HNRNPM: variants seen among roughly 807,000 people sequenced by gnomAD.
The protein encoded by HNRNPM is heterogeneous nuclear ribonucleoprotein M, also known as CEA receptor.
In HNRNPM, 11 loss-of-function variants were observed where a neutral mutation model predicts 73.1. That is an observed-to-expected ratio of 0.15 (90% CI 0.09 to 0.25). The LOEUF (loss-of-function observed/expected upper bound fraction) is 0.25, where lower values mean the gene tolerates loss of function less well. Ranked by LOEUF, HNRNPM falls within the 10% of genes least tolerant of loss-of-function variation. HNRNPM has a pLI of 1.00. For missense variants in HNRNPM, 789 were observed against 1,067.9 expected (o/e 0.74, Z 3.64); for synonymous variants, 407 against 355.2 (o/e 1.15, Z -1.64).
At chr19:8,472,410 C>T (rs1331068836) in intron 10 of HNRNPM, among the ~76,000 whole-genome samples, 3 of 152,080 alleles carry the variant, frequency 2.0e-5, no homozygotes, top group Non-Finnish European at 2.9e-5. Flanking sequence ...CCAGAGTCAC[C>T]CTGGGGCTGA....
Position 8,468,756 on chromosome 19 carries a change from GT to G in HNRNPM, c.835-14del, listed in dbSNP as rs1568280240. 6.2e-7 allele frequency: 1 copy of G among 1,609,102 alleles called. No individual in the cohort carries two copies. Among genetic ancestry groups the G allele is most frequent in the Admixed American group, 1.7e-5 (1 of 60,004 alleles). ...CTGCACTGGATACTGAGATTTGTTT[GT>G]TTTCTTTCTCTTTCAGGATGAGAGG... is the stretch of plus-strand genomic sequence containing the variant. On this transcript the variant is annotated splice_polypyrimidine_tract_variant and intron_variant, in intron 8 of 15. Transcript: ENST00000325495.
chr19:8,460,485 C>A (rs1057464077), intron 2 of HNRNPM, among the ~76,000 whole-genome samples: 2 of 152,226 alleles, frequency 1.3e-5, no homozygotes, highest in East Asian at 1.9e-4. Flanking sequence ...AGAGGGAGAA[C>A]GTTTTAAGCA....
At chr19:8,471,030 C>G (rs186373796) in intron 9 of HNRNPM, among the ~76,000 whole-genome samples, 1 of 152,150 alleles carries the variant, frequency 6.6e-6, no homozygotes, top group African/African-American at 2.4e-5. Context: ...AGACAGTTCT[C>G]AGTCCATGGG....
At chr19:8,477,695 A>T (rs1219557116) in intron 12 of HNRNPM, among the ~76,000 whole-genome samples, 1 of 139,550 alleles carries the variant, frequency 7.2e-6, no homozygotes, top group Non-Finnish European at 1.5e-5. Context: ...AAAAAAAAAG[A>T]ACCTTACAAA....
chr19:8,465,547 A>G (rs752337855), intron 6 of HNRNPM, 32 bp downstream of exon 6: 2 of 1,390,062 alleles, frequency 1.4e-6, no homozygotes, highest in Non-Finnish European at 2.0e-6. Flanking sequence ...CTAAAGTAGA[A>G]AATCAGAACT....
At chr19:8,460,624 G>T (rs1003470594) in intron 2 of HNRNPM, among the ~76,000 whole-genome samples, 1 of 152,204 alleles carries the variant, frequency 6.6e-6, no homozygotes, top group South Asian at 2.1e-4. Flanking sequence ...GTTTGGTTTG[G>T]ATTTGCTTGG....
At chr19:8,479,755 TA>T (rs1178134145) in intron 12 of HNRNPM, among the ~76,000 whole-genome samples, 3,367 of 83,238 alleles carry the variant, frequency 0.04, 307 homozygotes, top group African/African-American at 0.1. Context: ...GCGGTGTATT[TA>T]AAAAAAAAAA....
At chr19:8,470,987 G>C (rs932770465) in intron 9 of HNRNPM, among the ~76,000 whole-genome samples, 6 of 152,170 alleles carry the variant, frequency 3.9e-5, no homozygotes, top group Non-Finnish European at 7.3e-5. Context: ...TGTGCTGCTT[G>C]CCACCTGATG....
At chr19:8,446,221 C>T (rs1001325291) in intron 1 of HNRNPM, among the ~76,000 whole-genome samples, 2 of 152,172 alleles carry the variant, frequency 1.3e-5, no homozygotes, top group Admixed American at 6.6e-5. Context: ...AGTATACTGA[C>T]TCAGTGTGCT....
intron 5 of HNRNPM, among the ~76,000 whole-genome samples, chr19:8,464,718 A>T (rs1969622201): frequency 6.6e-6 from 1 of 152,144 alleles, no homozygotes; most frequent in Admixed American, 6.5e-5. Context: ...GTAGGGTCTA[A>T]GGTCTCTCAT....
intron 12 of HNRNPM, among the ~76,000 whole-genome samples, chr19:8,475,766 A>G (rs1234098318): frequency 6.6e-6 from 1 of 152,198 alleles, no homozygotes; most frequent in Non-Finnish European, 1.5e-5. Flanking sequence ...GCTTGGTAAA[A>G]TGTTACTCAG....
chr19:8,479,801 G>C (rs1970781305), intron 12 of HNRNPM, among the ~76,000 whole-genome samples: 1 of 126,042 alleles, frequency 7.9e-6, no homozygotes, highest in Non-Finnish European at 1.6e-5. Context: ...TTGCGACAGA[G>C]TCTCGCTCTA....
intron 15 of HNRNPM, chr19:8,488,239 T>C (rs1971451843): frequency 6.5e-6 from 1 of 153,666 alleles, no homozygotes; most frequent in Non-Finnish European, 1.5e-5. Flanking sequence ...TCTAGGGCTC[T>C]GTCCACGGCG....
chr19:8,466,545 G>A (rs559338058), intron 7 of HNRNPM, among the ~76,000 whole-genome samples, 157 bp downstream of exon 7: 3 of 152,076 alleles, frequency 2.0e-5, no homozygotes, highest in African/African-American at 7.2e-5. Flanking sequence ...TCTCTGGGCC[G>A]GACCGGTCAC....
At chr19:8,454,984 C>CT (rs550929486) in intron 1 of HNRNPM, among the ~76,000 whole-genome samples, 3 of 151,874 alleles carry the variant, frequency 2.0e-5, no homozygotes, top group Non-Finnish European at 4.4e-5. Context: ...CTTGTCTTTG[C>CT]TTTTTTTGAG....
rs747278893 is a variant in HNRNPM, at chr19:8,485,572, C to T, written c.1175-31C>T. 2.0e-5 allele frequency: 31 copies of T among 1,580,736 alleles called. No homozygotes were observed. The South Asian group carries it at 3.0e-4, about 15-fold the overall frequency. On this transcript the variant is annotated intron_variant, in intron 13 of 15. Transcript: ENST00000325495. ...TGCACACGCACACTCAAGTTCTTGA[C>T]ACCCACCTGTGTTTTGTGTCCCTGT...
intron 1 of HNRNPM, among the ~76,000 whole-genome samples, chr19:8,448,468 G>C (rs1388393192): frequency 2.2e-5 from 3 of 137,942 alleles, no homozygotes; most frequent in Non-Finnish European, 4.8e-5. Flanking sequence ...TCCCCTTCCT[G>C]AGTAATTTTT....
intron 2 of HNRNPM, among the ~76,000 whole-genome samples, chr19:8,458,992 AGTG>A (rs1443850671): frequency 3.9e-5 from 6 of 152,316 alleles, no homozygotes; most frequent in South Asian, 2.1e-4. Context: ...GCTGGAATGA[AGTG>A]GTGTGATCTG....
At chr19:8,459,019 C>A (rs1470045811) in intron 2 of HNRNPM, among the ~76,000 whole-genome samples, 1 of 152,208 alleles carries the variant, frequency 6.6e-6, no homozygotes, top group African/African-American at 2.4e-5. Context: ...CCTCTGCCCC[C>A]TGGGTTCAAG....
Sources: gnomAD v4.1 joint callset for allele counts (sites outside exome capture counted in the v4.1 genomes callset) on GRCh38, gnomAD v4.1.1 for gene constraint, MANE v1.5 for transcripts, NCBI Gene and HGNC (gene_info 2026-07-23, HGNC 2026-07-21) for gene names.